Variants in ST18 observed in about 807,000 individuals in gnomAD.
ST18 encodes the protein suppression of tumorigenicity 18 protein.
Under a neutral mutation model 110.0 loss-of-function variants are expected in ST18, and 50 were observed. The observed-to-expected ratio is 0.45, with a 90% CI of 0.36 to 0.58. The LOEUF (loss-of-function observed/expected upper bound fraction) is 0.58. Ranked by LOEUF, ST18 falls within the 20% of genes least tolerant of loss-of-function variation. The pLI is 0.00. For missense variants in ST18, 1,306 were observed against 1,280.1 expected (o/e 1.02, Z -0.31); for synonymous variants, 461 against 452.4 (o/e 1.02, Z -0.24).
intron 2 of ST18, among the ~76,000 whole-genome samples, chr8:52,388,148 A>G (rs932502547): frequency 6.6e-6 from 1 of 152,218 alleles, no homozygotes; most frequent in Non-Finnish European, 1.5e-5. Flanking sequence ...GAGCAATTTG[A>G]GCATAAGGAG....
chr8:52,306,278 A>G (rs2139625025), intron 2 of ST18, among the ~76,000 whole-genome samples: 1 of 152,328 alleles, frequency 6.6e-6, no homozygotes, highest in East Asian at 1.9e-4. Context: ...TAGAATGATC[A>G]CATTCTGGCA....
At chr8:52,258,038 C>A (rs756348108) in intron 2 of ST18, among the ~76,000 whole-genome samples, 2 of 149,480 alleles carry the variant, frequency 1.3e-5, no homozygotes, top group Non-Finnish European at 3.0e-5. Flanking sequence ...AAAGTATATT[C>A]TTTCCCTATT....
chr8:52,188,745 G>A (rs2073349379), intron 8 of ST18, among the ~76,000 whole-genome samples: 1 of 152,336 alleles, frequency 6.6e-6, no homozygotes, highest in African/African-American at 2.4e-5. Context: ...CAGTGGTGAT[G>A]AGAACTGGTG....
In ST18 at chr8:52,392,267, G is replaced by A. The variant is rs577535571; in HGVS notation, c.-465+17061C>T. Among the ~76,000 whole-genome samples, 3 of 152,240 alleles carry A rather than the reference G, an allele frequency of 2.0e-5. No homozygotes were observed. The East Asian group carries it at 5.8e-4, about 29-fold the overall frequency. On this transcript the variant is annotated intron_variant, in intron 2 of 25. Transcript: ENST00000689386. ...TTGACAAATAGTTGTTGATGCTGGC[G>A]ATAAGCATGGTGATGGTGACGGTGG... is the stretch of plus-strand genomic sequence containing the variant.
intron 2 of ST18, among the ~76,000 whole-genome samples, chr8:52,259,436 G>A (rs2094615949): frequency 6.6e-6 from 1 of 152,202 alleles, no homozygotes; most frequent in African/African-American, 2.4e-5. Flanking sequence ...TAGACTCTGG[G>A]TAATTCCTGG....
At chr8:52,242,558 G>A (rs2093516011) in intron 2 of ST18, among the ~76,000 whole-genome samples, 1 of 152,214 alleles carries the variant, frequency 6.6e-6, no homozygotes, top group Admixed American at 6.5e-5. Context: ...TACTTAGGTA[G>A]CCAGGCACTG....
intron 19 of ST18, among the ~76,000 whole-genome samples, chr8:52,134,552 T>C (rs927007780): frequency 6.6e-6 from 1 of 152,138 alleles, no homozygotes; most frequent in African/African-American, 2.4e-5. Context: ...CCCTGAACTT[T>C]CACAGAATGC....
intron 8 of ST18, 45 bp from the exon 9 acceptor site, chr8:52,180,357 A>G (rs1287011650): frequency 6.2e-7 from 1 of 1,600,380 alleles, no homozygotes. Flanking sequence ...ATTAGCATTT[A>G]CTGCTGTTTG....
intron 3 of ST18, among the ~76,000 whole-genome samples, chr8:52,223,396 C>A (rs1010699369): frequency 6.6e-6 from 1 of 152,212 alleles, no homozygotes; most frequent in Admixed American, 6.5e-5. Flanking sequence ...GTAATCCCAG[C>A]ACTTTGGGAG....
chr8:52,241,384 A>T (rs2093385025), intron 2 of ST18, among the ~76,000 whole-genome samples: 1 of 152,200 alleles, frequency 6.6e-6, no homozygotes, highest in African/African-American at 2.4e-5. Flanking sequence ...TAGAGGAAAA[A>T]TAGAATTGGC....
At chr8:52,197,127 G>A (rs998011018) in intron 8 of ST18, among the ~76,000 whole-genome samples, 1 of 152,106 alleles carries the variant, frequency 6.6e-6, no homozygotes, top group African/African-American at 2.4e-5. Flanking sequence ...GTGTTGAATG[G>A]GGACATTGGA....
intron 2 of ST18, among the ~76,000 whole-genome samples, chr8:52,240,598 C>T (rs1172097693): frequency 6.6e-6 from 1 of 152,094 alleles, no homozygotes; most frequent in Non-Finnish European, 1.5e-5. Flanking sequence ...ACTTTTCTGT[C>T]TTCTTATCTC....
At chr8:52,291,401 G>A (rs569678970) in intron 2 of ST18, among the ~76,000 whole-genome samples, 2 of 152,190 alleles carry the variant, frequency 1.3e-5, no homozygotes, top group African/African-American at 4.8e-5. Context: ...CTTTGAAAAA[G>A]TAAAATGGAC....
intron 2 of ST18, among the ~76,000 whole-genome samples, chr8:52,389,899 T>C (rs1201210735): frequency 6.6e-6 from 1 of 152,212 alleles, no homozygotes; most frequent in Non-Finnish European, 1.5e-5. Context: ...TACAGCTGGC[T>C]ATTGTGCATT....
At chr8:52,231,031 C>T (rs1204020797) in intron 2 of ST18, among the ~76,000 whole-genome samples, 1 of 152,122 alleles carries the variant, frequency 6.6e-6, no homozygotes, top group Non-Finnish European at 1.5e-5. Flanking sequence ...CTTAGCATTG[C>T]TCGTACATGA....
chr8:52,117,116 T>C (rs1417172537), intron 24 of ST18, among the ~76,000 whole-genome samples: 1 of 152,226 alleles, frequency 6.6e-6, no homozygotes, highest in African/African-American at 2.4e-5. Context: ...CCGTGTGAGC[T>C]GCCTTGTTGT....
intron 2 of ST18, among the ~76,000 whole-genome samples, chr8:52,332,049 G>A (rs73679045): frequency 0.16 from 24,302 of 151,800 alleles, 2,292 homozygotes; most frequent in African/African-American, 0.27. Flanking sequence ...AAACAAATAT[G>A]TATGTGTGTA....
intron 2 of ST18, among the ~76,000 whole-genome samples, chr8:52,382,233 G>A (rs1355744921): frequency 1.3e-5 from 2 of 152,128 alleles, no homozygotes; most frequent in African/African-American, 2.4e-5. Flanking sequence ...TAACATTTAC[G>A]GCAGTTTGTA....
intron 2 of ST18, among the ~76,000 whole-genome samples, chr8:52,398,547 T>G (rs1365983961): frequency 6.6e-6 from 1 of 152,086 alleles, no homozygotes; most frequent in Non-Finnish European, 1.5e-5. Flanking sequence ...TAGCTGTGGG[T>G]TTTTCATAAA....
Sources: allele counts gnomAD v4.1 joint callset (sites outside exome capture counted in the v4.1 genomes callset), GRCh38; gene constraint gnomAD v4.1.1; transcripts MANE v1.5; gene names NCBI Gene and HGNC (gene_info 2026-07-23, HGNC 2026-07-21).